CCDC38: variants seen among roughly 807,000 people sequenced by gnomAD.
CCDC38 encodes the protein coiled-coil domain-containing protein 38.
Under a neutral mutation model 72.8 loss-of-function variants are expected in CCDC38, and 69 were observed. The ratio of observed to expected loss-of-function variants is 0.95; its 90% CI spans 0.78 to 1.16. CCDC38 has a LOEUF of 1.16. CCDC38 is among the 50% of genes most tolerant of loss of function. The probability of loss-of-function intolerance (pLI) is 0.00; values close to 1 mark genes in which losing one functional copy is unlikely to be tolerated. For synonymous variants in CCDC38, 201 were observed against 213.2 expected (o/e 0.94, Z 0.50); for missense variants, 626 against 638.9 (o/e 0.98, Z 0.22).
rs185450129 is a variant in CCDC38 at position 95,881,701 on chromosome 12, T to C, written c.921-147A>G. On this transcript the variant is annotated intron_variant, in intron 10 of 15. Transcript: ENST00000344280. ...GTTTAGCCTTTTAGGGAACTGCTGA[T>C]TGCAGAAATCAATGGATTCCATGAA... is the stretch of plus-strand genomic sequence containing the variant. 8.0e-5 allele frequency: 45 copies of C among 559,344 alleles called. No homozygotes were observed. The East Asian group carries it at 1.3e-3, about 17-fold the overall frequency. 34.6% of individuals were successfully genotyped at this position (559,344 alleles called of 1,614,324 possible).
At chr12:95,942,048 T>C (rs942544276) in intron 1 of CCDC38, among the ~76,000 whole-genome samples, 2 of 152,066 alleles carry the variant, frequency 1.3e-5, no homozygotes, top group Non-Finnish European at 2.9e-5. Flanking sequence ...TAAATTAACT[T>C]TTATATTTTG....
In CCDC38 at chr12:95,881,492, A is replaced by G. The variant is rs1188576502; in HGVS notation, c.983T>C (p.Val328Ala). 1.2e-6 allele frequency: 2 copies of G among 1,608,188 alleles called. No individual in the cohort carries two copies. Among genetic ancestry groups the G allele is most frequent in the South Asian group, 1.1e-5 (1 of 90,158 alleles). ...LEFLLDDEMD[V>A]DLEPALYFKE... ...CAAATATAATCTGGTTACCAAATCA[A>G]CGTCCATTTCATCATCTAAAAGGAA... Residue 328 changes from valine to alanine, a missense_variant, in exon 11 of 16, where the codon GTT becomes GCT. By Grantham distance (64) the Val-to-Ala change is moderately conservative. Coordinates refer to ENST00000344280, the MANE Select transcript of CCDC38 (RefSeq NM_182496.3).
intron 2 of CCDC38, among the ~76,000 whole-genome samples, chr12:95,922,274 G>A (rs981331199): frequency 7.2e-5 from 11 of 152,126 alleles, no homozygotes; most frequent in South Asian, 2.1e-4. Flanking sequence ...TAAATACTAC[G>A]AGATAGCTGA....
chr12:95,903,640 G>T, intron 5 of CCDC38: 1 of 523,510 alleles, frequency 1.9e-6, no homozygotes, highest in South Asian at 3.1e-5. Context: ...TGCATCAATT[G>T]GGATAATCAT....
At chr12:95,892,860 C>T (rs1347179098) in intron 8 of CCDC38, among the ~76,000 whole-genome samples, 2 of 152,104 alleles carry the variant, frequency 1.3e-5, no homozygotes, top group African/African-American at 4.8e-5. Context: ...TGAGCCACCA[C>T]ACCCGGACTT....
chr12:95,920,975 A>C (rs2080200228), intron 2 of CCDC38, among the ~76,000 whole-genome samples: 1 of 152,028 alleles, frequency 6.6e-6, no homozygotes, highest in African/African-American at 2.4e-5. Flanking sequence ...CGAAGAATAC[A>C]AAATTAGCCG....
At chr12:95,904,395 G>A (rs572549721) in intron 5 of CCDC38, among the ~76,000 whole-genome samples, 6 of 152,282 alleles carry the variant, frequency 3.9e-5, no homozygotes, top group East Asian at 1.9e-4. Flanking sequence ...CCCAAATACC[G>A]TCAGTTTTGA....
intron 4 of CCDC38, among the ~76,000 whole-genome samples, chr12:95,916,310 A>T (rs12230661): frequency 8.6e-5 from 13 of 151,886 alleles, no homozygotes; most frequent in African/African-American, 2.4e-4. Flanking sequence ...TCTCTGAAAA[A>T]TTTTTTTACA....
intron 13 of CCDC38, among the ~76,000 whole-genome samples, chr12:95,873,645 A>C (rs2079605612): frequency 6.6e-6 from 1 of 152,220 alleles, no homozygotes; most frequent in Non-Finnish European, 1.5e-5. Context: ...GGCAATGTGA[A>C]TCACTCTTCA....
At chr12:95,908,451 G>C (rs1376666388) in intron 4 of CCDC38, among the ~76,000 whole-genome samples, 11 of 224 alleles carry the variant, frequency 0.049, no homozygotes, top group East Asian at 0.17. Flanking sequence ...GAAAGAGGGA[G>C]AGGGAGAGGG....
intron 5 of CCDC38, among the ~76,000 whole-genome samples, chr12:95,899,486 G>T (rs1450858850): frequency 6.6e-6 from 1 of 152,102 alleles, no homozygotes; most frequent in Non-Finnish European, 1.5e-5. Flanking sequence ...TTTTAGTAGA[G>T]ATGGTTTTTG....
At chr12:95,919,046 C>G (rs2080175926) in intron 2 of CCDC38, 70 bp from the exon 3 acceptor site, 2 of 962,170 alleles carry the variant, frequency 2.1e-6, no homozygotes, top group Admixed American at 3.8e-5. Flanking sequence ...TAGTAAGTCT[C>G]CCACCAGCTA....
At chr12:95,938,632 A>G (rs1276834019) in intron 1 of CCDC38, among the ~76,000 whole-genome samples, 4 of 152,208 alleles carry the variant, frequency 2.6e-5, no homozygotes, top group Non-Finnish European at 5.9e-5. Context: ...AGATGTTGTT[A>G]TACTTCTATA....
At chr12:95,901,322 G>A (rs563339833) in intron 5 of CCDC38, among the ~76,000 whole-genome samples, 1 of 152,298 alleles carries the variant, frequency 6.6e-6, no homozygotes, top group Admixed American at 6.5e-5. Context: ...ACTTGCAGGG[G>A]TAGGAAAGAG....
At chr12:95,906,186 G>C (rs1262935247) in intron 5 of CCDC38, among the ~76,000 whole-genome samples, 1 of 152,198 alleles carries the variant, frequency 6.6e-6, no homozygotes, top group Non-Finnish European at 1.5e-5. Context: ...TTGAGAGGCA[G>C]GTCTTTGCTT....
intron 4 of CCDC38, 65 bp from the exon 5 acceptor site, chr12:95,906,516 A>G: frequency 1.8e-6 from 2 of 1,089,192 alleles, no homozygotes; most frequent in Non-Finnish European, 2.8e-6. Flanking sequence ...GTATAAAATA[A>G]AAGCCATATA....
intron 13 of CCDC38, among the ~76,000 whole-genome samples, chr12:95,876,216 A>T (rs1239491007): frequency 6.6e-6 from 1 of 152,218 alleles, no homozygotes; most frequent in East Asian, 1.9e-4. Context: ...ATATTGTATG[A>T]TTCTTCTTTT....
At chr12:95,869,341 CAG>C (rs145166335) in intron 15 of CCDC38, 137 bp downstream of exon 15, 55,553 of 600,892 alleles carry the variant, frequency 0.092, 3,067 homozygotes, top group Non-Finnish European at 0.11. Context: ...AACAAGGAAC[CAG>C]AGACCAATTG....
intron 2 of CCDC38, among the ~76,000 whole-genome samples, chr12:95,925,850 T>C (rs935843488): frequency 1.4e-4 from 21 of 149,216 alleles, no homozygotes; most frequent in African/African-American, 5.0e-4. Context: ...CATTTATTGA[T>C]TTGCGTATAT....
Sources: allele counts gnomAD v4.1 joint callset (sites outside exome capture counted in the v4.1 genomes callset), GRCh38; gene constraint gnomAD v4.1.1; transcripts MANE v1.5; gene names NCBI Gene and HGNC (gene_info 2026-07-23, HGNC 2026-07-21).